PROKR2: variants seen among roughly 807,000 people sequenced by gnomAD.
The protein encoded by PROKR2 is prokineticin receptor 2, also known as G protein-coupled receptor 73-like 1.
In PROKR2, 26 loss-of-function variants were observed where a neutral mutation model predicts 23.4. The observed-to-expected ratio is 1.11, with a 90% CI of 0.81 to 1.54. The LOEUF is 1.54. Among genes scored for constraint, PROKR2 ranks in the 40% most tolerant of loss-of-function variants. The pLI is 0.00. For missense variants in PROKR2, 453 were observed against 511.5 expected (o/e 0.89, Z 1.10); for synonymous variants, 212 against 201.2 (o/e 1.05, Z -0.45).
At chr20:5,302,940 A>G (rs1481542531) in intron 2 of PROKR2, among the ~76,000 whole-genome samples, 1 of 152,198 alleles carries the variant, frequency 6.6e-6, no homozygotes, top group Non-Finnish European at 1.5e-5. Flanking sequence ...TTTGGGTCAA[A>G]CAGGCTGAAT....
At chr20:5,315,959 G>C (rs146261858) in intron 1 of PROKR2, 612 of 456,416 alleles carry the variant, frequency 1.3e-3, no homozygotes, top group Non-Finnish European at 2.2e-3. Context: ...GCCCGGGAGC[G>C]ACCCGTTCCA....
chr20:5,313,938 A>G lies in PROKR2; in HGVS notation c.432T>C (p.Asn144=). The part of the protein sequence containing the change: ...LRTVSLYVST[N]ALLAIAIDRY... ...TGTCAATGGCAATGGCCAGCAAGGC[A>G]TTGGTGGAGACGTAGAGGGAGACGG... The change falls in exon 2 of 3, where the codon AAT becomes AAC. Residue 144 remains asparagine, a synonymous_variant. Transcript: ENST00000678254. 1.2e-6 allele frequency: 2 copies of G among 1,614,042 alleles called. No individual in the cohort carries two copies. Among genetic ancestry groups the G allele is most frequent in the Non-Finnish European group, 1.7e-6 (2 of 1,179,934 alleles).
At position 5,306,470 on chromosome 20, in the gene PROKR2, T is replaced by A. The variant is rs989079686; in HGVS notation, c.459-3734A>T. ...TTTAGCTGAGCAAGACTGTGAATGGTTTGCATTTACAATTCCTGCAGTAAA... is the reference window on the plus strand; with the variant it reads ...TTTAGCTGAGCAAGACTGTGAATGGATTGCATTTACAATTCCTGCAGTAAA... On this transcript the variant is annotated intron_variant, in intron 2 of 2. Transcript: ENST00000678254. Among the ~76,000 whole-genome samples the A allele has an allele frequency of 5.9e-5, 9 of 152,366 alleles. No individual in the cohort carries two copies. In the South Asian group the frequency reaches 1.9e-3, roughly 32 times the overall value.
Position 5,301,265 on chromosome 20 carries a change from C to T in PROKR2, c.*775G>A, listed in dbSNP as rs1402251337. Reference sequence around the variant, plus strand: ...GTTTTTTTCCTGAGACAGAGTCTCACTCTGTCACTCAGGCTGGAGTGCAGT... The same window carrying T: ...GTTTTTTTCCTGAGACAGAGTCTCATTCTGTCACTCAGGCTGGAGTGCAGT... On this transcript the variant is annotated 3_prime_UTR_variant, in exon 3 of 3. Coordinates refer to ENST00000678254, the MANE Select transcript of PROKR2 (RefSeq NM_144773.4). 6.6e-6 allele frequency among the ~76,000 whole-genome samples: 1 copy of T among 152,284 alleles called. No individual in the cohort carries two copies. The highest frequency in any genetic ancestry group is 6.5e-5 in the Admixed American group (1 of 15,298).
At position 5,299,306 on chromosome 20, in the gene PROKR2, G is replaced by A. The variant is rs1978908630; in HGVS notation, c.*2734C>T. 6.6e-6 allele frequency among the ~76,000 whole-genome samples: 1 copy of A among 152,042 alleles called. No homozygotes were observed. The highest frequency in any genetic ancestry group is 1.5e-5 in the Non-Finnish European group (1 of 68,002). On this transcript the variant is annotated 3_prime_UTR_variant, in exon 3 of 3. Coordinates refer to ENST00000678254, the MANE Select transcript of PROKR2 (RefSeq NM_144773.4). ...CAAATACACACTGATATTTACAAAA[G>A]TTTTTTCAGTTAAATTTCAATGAAA...
rs563925798 is a variant in PROKR2, at chr20:5,299,991, T to C, written c.*2049A>G. Reference sequence around the variant, plus strand: ...GCTGGGTGGTGATAGAAAGAAATATTGGTTGAAACTTCAGTCAGAGAAACA... The same window carrying C: ...GCTGGGTGGTGATAGAAAGAAATATCGGTTGAAACTTCAGTCAGAGAAACA... On this transcript the variant is annotated 3_prime_UTR_variant, in exon 3 of 3. Coordinates refer to ENST00000678254, the MANE Select transcript of PROKR2 (RefSeq NM_144773.4). 6.6e-6 allele frequency among the ~76,000 whole-genome samples: 1 copy of C among 152,316 alleles called. No homozygotes were observed. The highest frequency in any genetic ancestry group is 2.4e-5 in the African/African-American group (1 of 41,564).
chr20:5,299,852 T>C lies in PROKR2; in HGVS notation c.*2188A>G, dbSNP rs1164082666. Among the ~76,000 whole-genome samples, 1 of 152,184 alleles carries C rather than the reference T, an allele frequency of 6.6e-6. No homozygotes were observed. The highest frequency in any genetic ancestry group is 1.5e-5 in the Non-Finnish European group (1 of 68,034). On this transcript the variant is annotated 3_prime_UTR_variant, in exon 3 of 3. Coordinates refer to ENST00000678254, the MANE Select transcript of PROKR2 (RefSeq NM_144773.4). ...GTTGGCCAGGCTGGTCTTGAACTCC[T>C]GACCTCAGGTGATCTGCCCATCTTG... is the stretch of plus-strand genomic sequence containing the variant.
Position 5,302,677 on chromosome 20 carries a change from A to C in PROKR2, c.518T>G (p.Leu173Arg), listed in dbSNP as rs74315416. 5,094 of 1,614,222 alleles carry C rather than the reference A, an allele frequency of 3.2e-3. 18 individuals are homozygous for C. Among genetic ancestry groups the C allele is most frequent in the Non-Finnish European group, 3.8e-3 (4,472 of 1,180,014 alleles). Residue 173 changes from leucine (L) to arginine (R), a missense_variant, in exon 3 of 3, where the codon CTG (leucine) becomes CGG (arginine). By Grantham distance (102) the Leu-to-Arg change is moderately radical (BLOSUM62 -2). Transcript: ENST00000678254. ...PRMNYQTASF[L>R]IALVWMVSIL... ...GGACACCATCCAGACCAAGGCGATC[A>C]GGAAGGAGGCCGTTTGATAATTCAT... is the stretch of plus-strand genomic sequence containing the variant.
chr20:5,307,393 T>G (rs1040369539), intron 2 of PROKR2, among the ~76,000 whole-genome samples: 14 of 152,290 alleles, frequency 9.2e-5, no homozygotes, highest in East Asian at 1.9e-4. Context: ...CTGGATATAA[T>G]CACTCTATGA....
chr20:5,308,763 C>A (rs929859682), intron 2 of PROKR2, among the ~76,000 whole-genome samples: 1 of 152,290 alleles, frequency 6.6e-6, no homozygotes, highest in East Asian at 1.9e-4. Context: ...TGACCAGACC[C>A]TTCAGTCACT....
chr20:5,302,412 C>T lies in PROKR2; in HGVS notation c.783G>A (p.Glu261=). The T allele has an allele frequency of 6.2e-7, 1 of 1,614,242 alleles. No homozygotes were observed. The highest frequency in any genetic ancestry group is 1.7e-5 in the Admixed American group (1 of 60,030). The change falls in exon 3 of 3, where the codon GAG becomes GAA. Residue 261 remains glutamate (E), a synonymous_variant. Transcript: ENST00000678254. ...GGCAGCGCAGCCGCTTGCGAATCTG[C>T]TCCGTCTGGAACCCAGGGACTGCCT... ...WFKAVPGFQT[E]QIRKRLRCRR...
rs3746683 is a variant in PROKR2 at position 5,302,670 on chromosome 20, G to T, written c.525C>A (p.Ala175=). The change falls in exon 3 of 3, where the codon GCC becomes GCA. Residue 175 remains alanine, a synonymous_variant. Transcript: ENST00000678254. ...MNYQTASFLI[A]LVWMVSILIA... ...TGAGAATGGACACCATCCAGACCAA[G>T]GCGATCAGGAAGGAGGCCGTTTGAT... 2.1e-5 allele frequency: 34 copies of T among 1,614,040 alleles called. No homozygotes were observed. In the Admixed American group the frequency reaches 3.7e-4, roughly 17 times the overall value.
chr20:5,314,736 C>T lies in PROKR2; in HGVS notation c.-8-359G>A, dbSNP rs573983611. 8.5e-5 allele frequency among the ~76,000 whole-genome samples: 13 copies of T among 152,352 alleles called. No homozygotes were observed. The East Asian group carries it at 2.3e-3, about 27-fold the overall frequency. On this transcript the variant is annotated intron_variant, in intron 1 of 2. Transcript: ENST00000678254. ...CAGAACTCTCAAGAAGAATGTGCAC[C>T]TTTGCCCTTTGCCCAGGGGCCAGGG... is the stretch of plus-strand genomic sequence containing the variant.
rs1555789449 is a variant in PROKR2, at chr20:5,301,229, T to TTTTG, written c.*810_*811insCAAA. 5.9e-4 allele frequency among the ~76,000 whole-genome samples: 90 copies of TTTTG among 151,680 alleles called. No homozygotes were observed. The highest frequency in any genetic ancestry group is 2.0e-3 in the African/African-American group (84 of 41,208). ...GGTTGTTGTTGTTGTTGTTTTGTTG[T>TTTTG]TTGTTTGTTTGTTTTTTTCCTGAGA... On this transcript the variant is annotated 3_prime_UTR_variant, in exon 3 of 3. Coordinates refer to ENST00000678254, the MANE Select transcript of PROKR2 (RefSeq NM_144773.4).
chr20:5,314,112 G>A lies in PROKR2; in HGVS notation c.258C>T (p.Asn86=). The A allele has an allele frequency of 6.2e-7, 1 of 1,614,232 alleles. No homozygotes were observed. The highest frequency in any genetic ancestry group is 8.5e-7 in the Non-Finnish European group (1 of 1,180,046). ...GGTTGGCAATGAGCAGATTGGTGAG[G>A]TTGCGCAACTTCTTATAGCGGGTGA... ...AALTRYKKLR[N]LTNLLIANLA... Residue 86 remains asparagine (N), a synonymous_variant, in exon 2 of 3, where the codon AAC becomes AAT. Transcript: ENST00000678254.
At chr20:5,306,706 G>A (rs773063134) in intron 2 of PROKR2, among the ~76,000 whole-genome samples, 12 of 152,138 alleles carry the variant, frequency 7.9e-5, no homozygotes, top group African/African-American at 2.4e-4. Context: ...ATTCCACACC[G>A]TTAATTAAAA....
intron 2 of PROKR2, among the ~76,000 whole-genome samples, chr20:5,311,491 C>T (rs1221555451): frequency 6.6e-6 from 1 of 152,140 alleles, no homozygotes; most frequent in African/African-American, 2.4e-5. Context: ...CCAAACCAAA[C>T]CAGCATTATA....
intron 2 of PROKR2, among the ~76,000 whole-genome samples, chr20:5,312,136 C>T (rs1386205035): frequency 5.9e-5 from 9 of 152,088 alleles, no homozygotes; most frequent in East Asian, 3.9e-4. Flanking sequence ...GACAGAGTTT[C>T]GCTCTTGTTA....
At chr20:5,304,482 T>C (rs1251662884) in intron 2 of PROKR2, among the ~76,000 whole-genome samples, 1 of 152,188 alleles carries the variant, frequency 6.6e-6, no homozygotes, top group Admixed American at 6.5e-5. Context: ...AATTTAAAAC[T>C]TGGTGGGCAG....
Sources: gnomAD v4.1 joint callset for allele counts (sites outside exome capture counted in the v4.1 genomes callset) on GRCh38, gnomAD v4.1.1 for gene constraint, MANE v1.5 for transcripts, NCBI Gene and HGNC (gene_info 2026-07-23, HGNC 2026-07-21) for gene names.